The following OMA1 variants were observed in gnomAD, a reference collection of about 807,000 sequenced individuals.
OMA1 encodes OMA1 zinc metallopeptidase.
A neutral mutation model predicts 30.9 loss-of-function variants in OMA1; 38 were observed. That is an observed-to-expected ratio of 1.23 (90% CI 0.95 to 1.61). The LOEUF (loss-of-function observed/expected upper bound fraction) is 1.61, where lower values mean the gene tolerates loss of function less well. Ranked by LOEUF, OMA1 falls within the 40% of genes most tolerant of loss-of-function variation. OMA1 has a pLI of 0.00. For missense variants in OMA1, 461 were observed against 349.2 expected, an observed-to-expected ratio of 1.32 and a Z score of -2.55; for synonymous variants, 173 against 121.9, an observed-to-expected ratio of 1.42 and a Z score of -2.76.
In OMA1 at chr1:58,512,745, A is replaced by T. The variant is rs1646100075; in HGVS notation, c.1216-6536T>A. 2.6e-5 allele frequency among the ~76,000 whole-genome samples: 4 copies of T among 152,242 alleles called. 1 individual carries two copies. In the South Asian group the frequency reaches 8.3e-4, roughly 32 times the overall value. ...TAGAATAGTGTTTGTCAGGGAGTGG[A>T]AGTAGGAGGAAATGAGGAGTTGCTA... On this transcript the variant is annotated intron_variant, in intron 7 of 8. Coordinates refer to ENST00000371226, the MANE Select transcript of OMA1 (RefSeq NM_145243.5).
At chr1:58,543,130 CTTAA>C (rs1161112816) in intron 1 of OMA1, among the ~76,000 whole-genome samples, 13 of 152,170 alleles carry the variant, frequency 8.5e-5, no homozygotes, top group African/African-American at 1.7e-4. Context: ...ACTTCCTACA[CTTAA>C]TTGAGCTTCA....
intron 7 of OMA1, among the ~76,000 whole-genome samples, chr1:58,520,067 T>C (rs907099211): frequency 2.4e-4 from 37 of 151,630 alleles, no homozygotes; most frequent in African/African-American, 8.0e-4. Flanking sequence ...GACACAAAGA[T>C]GGGAACAACA....
intron 8 of OMA1, among the ~76,000 whole-genome samples, chr1:58,497,208 T>C (rs1239036159): frequency 6.6e-6 from 1 of 152,126 alleles, no homozygotes; most frequent in Admixed American, 6.6e-5. Flanking sequence ...ACCAATTCAA[T>C]GACAAGTTTT....
intron 6 of OMA1, among the ~76,000 whole-genome samples, chr1:58,528,902 C>T (rs988612655): frequency 2.0e-5 from 3 of 151,976 alleles, no homozygotes; most frequent in South Asian, 2.1e-4. Context: ...TTTTCATTGA[C>T]GAATTACAGT....
At chr1:58,486,991 T>G (rs1042248703) in intron 8 of OMA1, among the ~76,000 whole-genome samples, 1 of 152,210 alleles carries the variant, frequency 6.6e-6, no homozygotes, top group Non-Finnish European at 1.5e-5. Flanking sequence ...TATTCTAAGT[T>G]AGATGAGAAG....
chr1:58,496,527 A>T (rs1275376018), intron 8 of OMA1, among the ~76,000 whole-genome samples: 1 of 152,110 alleles, frequency 6.6e-6, no homozygotes, highest in African/African-American at 2.4e-5. Context: ...TGCTCTTTAA[A>T]GCTTATCTCA....
At chr1:58,500,090 C>T (rs530433427) in intron 8 of OMA1, among the ~76,000 whole-genome samples, 7 of 152,232 alleles carry the variant, frequency 4.6e-5, no homozygotes, top group Non-Finnish European at 8.8e-5. Flanking sequence ...GCATGTTTTT[C>T]TAAAATATCA....
intron 8 of OMA1, among the ~76,000 whole-genome samples, chr1:58,496,855 A>G (rs374511252): frequency 4.5e-4 from 68 of 152,282 alleles, no homozygotes; most frequent in African/African-American, 1.6e-3. Flanking sequence ...TCTCGTGAAG[A>G]CACATTTCTC....
intron 8 of OMA1, among the ~76,000 whole-genome samples, chr1:58,485,228 T>TTAAAAAAAAAAAA (rs533975015): frequency 2.4e-5 from 1 of 42,036 alleles, no homozygotes; most frequent in South Asian, 1.3e-3. Context: ...AGTCTACTAC[T>TTAAAAAAAAAAAA]AAAAAAAAAA....
chr1:58,522,871 A>G (rs11807197), intron 7 of OMA1, among the ~76,000 whole-genome samples: 20,205 of 152,240 alleles, frequency 0.13, 1,477 homozygotes, highest in African/African-American at 0.19. Context: ...CTCCATCCTT[A>G]TCTTCACACT....
chr1:58,513,477 G>A (rs1646112450), intron 7 of OMA1, among the ~76,000 whole-genome samples: 1 of 152,160 alleles, frequency 6.6e-6, no homozygotes, highest in African/African-American at 2.4e-5. Context: ...TTAAGCAACT[G>A]TAAGTACACG....
At chr1:58,486,593 C>T (rs1293030011) in intron 8 of OMA1, among the ~76,000 whole-genome samples, 1 of 152,094 alleles carries the variant, frequency 6.6e-6, no homozygotes, top group Non-Finnish European at 1.5e-5. Flanking sequence ...ACTATGGATA[C>T]AGCAGTGTAC....
At chr1:58,545,850 T>C (rs729084) in intron 1 of OMA1, among the ~76,000 whole-genome samples, 2,238 of 152,236 alleles carry the variant, frequency 0.015, 47 homozygotes, top group East Asian at 0.12. Flanking sequence ...AGTACACACA[T>C]GATGGAAGGC....
At chr1:58,532,675 G>T (rs1646453106) in intron 5 of OMA1, among the ~76,000 whole-genome samples, 1 of 151,880 alleles carries the variant, frequency 6.6e-6, no homozygotes, top group African/African-American at 2.4e-5. Flanking sequence ...CTACAGGTGT[G>T]AGCCACCATG....
chr1:58,496,280 C>T (rs777437372), intron 8 of OMA1, among the ~76,000 whole-genome samples: 21 of 152,090 alleles, frequency 1.4e-4, no homozygotes, highest in East Asian at 3.9e-4. Flanking sequence ...CAGCCTCCAC[C>T]GAAAGTTTTA....
chr1:58,541,312 A>C (rs1157496962), intron 1 of OMA1, among the ~76,000 whole-genome samples: 24 of 119,294 alleles, frequency 2.0e-4, no homozygotes, highest in African/African-American at 6.8e-4. Context: ...AAAAAAAAAA[A>C]AAAAAAAAAA....
intron 7 of OMA1, among the ~76,000 whole-genome samples, chr1:58,517,027 G>A (rs1646168085): frequency 6.6e-6 from 1 of 152,134 alleles, no homozygotes; most frequent in South Asian, 2.1e-4. Context: ...GGAGTCTGAT[G>A]CATCAAGGTC....
intron 7 of OMA1, among the ~76,000 whole-genome samples, chr1:58,516,396 C>T (rs998396185): frequency 6.6e-6 from 1 of 152,120 alleles, no homozygotes; most frequent in Non-Finnish European, 1.5e-5. Context: ...AATATTCATA[C>T]CCCAAAAGAT....
At chr1:58,520,322 G>C (rs1646242721) in intron 7 of OMA1, among the ~76,000 whole-genome samples, 1 of 152,108 alleles carries the variant, frequency 6.6e-6, no homozygotes, top group South Asian at 2.1e-4. Context: ...ATCTGACAAA[G>C]AACTTGCACC....
Sources: gnomAD v4.1 joint callset for allele counts (sites outside exome capture counted in the v4.1 genomes callset) on GRCh38, gnomAD v4.1.1 for gene constraint, MANE v1.5 for transcripts, NCBI Gene and HGNC (gene_info 2026-07-23, HGNC 2026-07-21) for gene names.